RARB: variants seen among roughly 807,000 people sequenced by gnomAD.
RARB encodes the protein HBV-activated protein.
RARB carries 17 observed loss-of-function variants against 51.9 expected under a neutral mutation model. That is an observed-to-expected ratio of 0.33 (90% confidence interval 0.22 to 0.49). The LOEUF is 0.49. Among genes scored for constraint, RARB ranks in the 20% least tolerant of loss-of-function variants. RARB has a pLI of 0.99. For missense variants in RARB, 369 were observed against 550.8 expected (o/e 0.67, Z 3.30); for synonymous variants, 215 against 195.4 (o/e 1.10, Z -0.84).
intron 1 of RARB, among the ~76,000 whole-genome samples, chr3:25,456,960 A>T (rs1424328724): frequency 6.6e-6 from 1 of 152,084 alleles, no homozygotes; most frequent in Non-Finnish European, 1.5e-5. Flanking sequence ...TGGGATAAAT[A>T]AGGCCTATAG....
chr3:24,893,055 A>C (rs1429705052), intron 2 of RARB, among the ~76,000 whole-genome samples: 1 of 152,208 alleles, frequency 6.6e-6, no homozygotes, highest in African/African-American at 2.4e-5. Flanking sequence ...GGTGATGTTT[A>C]GTTATCAGGG....
intron 2 of RARB, among the ~76,000 whole-genome samples, chr3:24,927,537 T>G (rs1466523586): frequency 6.6e-6 from 1 of 151,980 alleles, no homozygotes; most frequent in Non-Finnish European, 1.5e-5. Flanking sequence ...CTTAAAAATT[T>G]GGGTATCTTC....
intron 5 of RARB, among the ~76,000 whole-genome samples, chr3:25,222,537 C>T (rs1208804523): frequency 1.3e-5 from 2 of 151,898 alleles, no homozygotes; most frequent in Non-Finnish European, 2.9e-5. Flanking sequence ...AATGATGCCA[C>T]TCCAATAAAT....
upstream of RARB, among the ~76,000 whole-genome samples, chr3:25,424,687 GA>G (rs1707943743): frequency 6.6e-6 from 1 of 152,162 alleles, no homozygotes; most frequent in Non-Finnish European, 1.5e-5. Flanking sequence ...GGTGGGGGGG[GA>G]TATGTCTGCG....
chr3:25,091,006 G>T (rs760766047), intron 3 of RARB, among the ~76,000 whole-genome samples: 1 of 152,176 alleles, frequency 6.6e-6, no homozygotes, highest in Non-Finnish European at 1.5e-5. Context: ...ATAATGAACA[G>T]TTACAGCTTT....
chr3:25,509,780 G>A (rs1320442215), intron 3 of RARB, among the ~76,000 whole-genome samples: 2 of 152,164 alleles, frequency 1.3e-5, no homozygotes, highest in Non-Finnish European at 2.9e-5. Flanking sequence ...TCTTCCAGCA[G>A]TGCTGAGCCC....
At chr3:25,168,161 G>A (rs1425578476) in intron 4 of RARB, among the ~76,000 whole-genome samples, 1 of 152,164 alleles carries the variant, frequency 6.6e-6, no homozygotes, top group African/African-American at 2.4e-5. Context: ...TAAAGAGAAA[G>A]AGTCTATAAT....
At position 25,435,673 on chromosome 3, in the gene RARB, G is replaced by C. The variant is rs373504745; in HGVS notation, c.157+6785G>C. Among the ~76,000 whole-genome samples, 3 of 152,160 alleles carry C rather than the reference G, an allele frequency of 2.0e-5. No homozygotes were observed. In the South Asian group the frequency reaches 6.2e-4, roughly 31 times the overall value. ...CATAATTATTTCATTATGGTCCTCA[G>C]AATGCTTTCATTGGCTTTAATGACA... On this transcript the variant is annotated intron_variant, in intron 1 of 7. Coordinates refer to ENST00000330688, the MANE Select transcript of RARB (RefSeq NM_000965.5).
intron 5 of RARB, among the ~76,000 whole-genome samples, chr3:25,340,233 G>C (rs547852562): frequency 1.3e-5 from 2 of 152,168 alleles, no homozygotes; most frequent in East Asian, 3.9e-4. Flanking sequence ...AAAAAAACAG[G>C]TGACTTTATT....
intron 5 of RARB, among the ~76,000 whole-genome samples, chr3:25,285,047 A>G (rs1208924832): frequency 6.6e-6 from 1 of 152,030 alleles, no homozygotes; most frequent in African/African-American, 2.4e-5. Context: ...TCTCTTACTC[A>G]CTTTTGCATT....
At chr3:24,938,206 T>G (rs1239380556) in intron 2 of RARB, among the ~76,000 whole-genome samples, 1 of 152,174 alleles carries the variant, frequency 6.6e-6, no homozygotes, top group Non-Finnish European at 1.5e-5. Flanking sequence ...TTGAACCATA[T>G]GAAATTGACA....
At chr3:25,268,538 A>G (rs1194714125) in intron 5 of RARB, among the ~76,000 whole-genome samples, 1 of 152,204 alleles carries the variant, frequency 6.6e-6, no homozygotes, top group African/African-American at 2.4e-5. Flanking sequence ...CATTGTTATC[A>G]TGGAGAATTC....
At chr3:25,315,414 G>A (rs1175310347) in intron 5 of RARB, among the ~76,000 whole-genome samples, 1 of 152,128 alleles carries the variant, frequency 6.6e-6, no homozygotes, top group Non-Finnish European at 1.5e-5. Context: ...TACACAGTTT[G>A]CTAGCACCCC....
intron 2 of RARB, among the ~76,000 whole-genome samples, chr3:24,961,425 G>A (rs1240522743): frequency 6.6e-6 from 1 of 152,218 alleles, no homozygotes; most frequent in Non-Finnish European, 1.5e-5. Context: ...GATATGAACT[G>A]ATGCTGAAAT....
chr3:25,471,045 TAATG>T (rs1695661816), intron 2 of RARB, among the ~76,000 whole-genome samples: 1 of 152,232 alleles, frequency 6.6e-6, no homozygotes, highest in African/African-American at 2.4e-5. Context: ...AATTGTATAA[TAATG>T]CAAATAGTAT....
chr3:25,155,679 C>T (rs917418107), intron 4 of RARB, among the ~76,000 whole-genome samples: 3 of 152,170 alleles, frequency 2.0e-5, no homozygotes, highest in African/African-American at 7.2e-5. Flanking sequence ...GATCTCTCAG[C>T]TACAATTCCT....
chr3:25,072,772 G>A (rs914424381), intron 3 of RARB, among the ~76,000 whole-genome samples: 17 of 151,712 alleles, frequency 1.1e-4, no homozygotes, highest in Non-Finnish European at 2.4e-4. Flanking sequence ...GCAGTGGCGC[G>A]ATCTCGGCTC....
intron 5 of RARB, among the ~76,000 whole-genome samples, chr3:25,399,749 G>A (rs1307217628): frequency 6.6e-6 from 1 of 152,156 alleles, no homozygotes; most frequent in African/African-American, 2.4e-5. Context: ...AAAGTGGGAA[G>A]AAGAAAAACG....
intron 5 of RARB, among the ~76,000 whole-genome samples, chr3:25,341,989 C>G (rs377105562): frequency 3.3e-5 from 5 of 152,124 alleles, no homozygotes; most frequent in East Asian, 1.9e-4. Flanking sequence ...AACAACACTT[C>G]GTAGAAGAAG....
Sources: allele counts gnomAD v4.1 joint callset (sites outside exome capture counted in the v4.1 genomes callset), GRCh38; gene constraint gnomAD v4.1.1; transcripts MANE v1.5; gene names NCBI Gene and HGNC (gene_info 2026-07-23, HGNC 2026-07-21).